Variants in IGSF10 observed in about 807,000 individuals in gnomAD.
The protein encoded by IGSF10 is calvaria mechanical force protein 608.
In IGSF10, 126 loss-of-function variants were observed where a neutral mutation model predicts 128.2. The ratio of observed to expected loss-of-function variants is 0.98; its 90% CI spans 0.85 to 1.14. The LOEUF (loss-of-function observed/expected upper bound fraction) is 1.14. IGSF10 is among the 50% of genes most tolerant of loss of function. The pLI is 0.00. For missense variants in IGSF10, 3,295 were observed against 3,149.8 expected (o/e 1.05, Z -1.10); for synonymous variants, 1,185 against 1,146.2 (o/e 1.03, Z -0.68).
the IGSF10 span, among the ~76,000 whole-genome samples, chr3:151,582,823 C>G: frequency 3.9e-5 from 6 of 152,174 alleles, no homozygotes; most frequent in African/African-American, 1.4e-4. Flanking sequence ...TTCTCAAAAT[C>G]AGGGGAATTT....
chr3:151,516,720 T>C, the IGSF10 span, among the ~76,000 whole-genome samples: 2 of 151,934 alleles, frequency 1.3e-5, no homozygotes, highest in African/African-American at 4.8e-5. Context: ...CAAGAGAACA[T>C]TGCCTGGAAC....
intron 5 of IGSF10, among the ~76,000 whole-genome samples, chr3:151,450,589 T>G (rs1232934080): frequency 6.6e-6 from 1 of 152,068 alleles, no homozygotes; most frequent in African/African-American, 2.4e-5. Context: ...TGGGAAACCT[T>G]TGAACAATCA....
intron 3 of IGSF10, 88 bp downstream of exon 3, chr3:151,458,428 C>G: frequency 1.1e-6 from 1 of 938,098 alleles, no homozygotes. Flanking sequence ...AATTGAGATT[C>G]ATCTCCCAAA....
chr3:151,594,052 T>C, the IGSF10 span, among the ~76,000 whole-genome samples: 2 of 152,200 alleles, frequency 1.3e-5, no homozygotes, highest in South Asian at 4.1e-4. Context: ...AGCTACATTT[T>C]GCCTCTGGTC....
chr3:151,468,921 T>C, the IGSF10 span, among the ~76,000 whole-genome samples: 1 of 152,142 alleles, frequency 6.6e-6, no homozygotes, highest in African/African-American at 2.4e-5. Flanking sequence ...CAGTGTATGT[T>C]GTTCCCCTCC....
intron 5 of IGSF10, among the ~76,000 whole-genome samples, chr3:151,451,946 C>T (rs1350160494): frequency 6.6e-6 from 1 of 152,162 alleles, no homozygotes; most frequent in Non-Finnish European, 1.5e-5. Context: ...AAGATACCCA[C>T]AAGTAGATAA....
At chr3:151,600,206 C>T in the IGSF10 span, among the ~76,000 whole-genome samples, 13 of 152,090 alleles carry the variant, frequency 8.5e-5, no homozygotes, top group South Asian at 8.3e-4. Context: ...AACACAATTT[C>T]TTACTCTTTC....
At position 151,443,828 on chromosome 3, in the gene IGSF10, T is replaced by C. The variant is rs759862842; in HGVS notation, c.5119A>G (p.Thr1707Ala). The C allele has an allele frequency of 1.2e-6, 2 of 1,614,012 alleles. No homozygotes were observed. Among genetic ancestry groups the C allele is most frequent in the Non-Finnish European group, 1.7e-6 (2 of 1,179,906 alleles). The change falls in exon 7 of 8, where the codon ACC becomes GCC. Residue 1707 changes from threonine to alanine, a missense_variant. Thr to Ala is a moderately conservative substitution (Grantham distance 58). Coordinates refer to ENST00000282466, the MANE Select transcript of IGSF10 (RefSeq NM_178822.5). ...NSRVQVLPNG[T>A]LSIQRVEIQD... ...ATTTCCACCCTCTGGATGGACAGGG[T>C]ACCATTGGGGAGAACCTGGACCCTG... is the stretch of plus-strand genomic sequence containing the variant.
chr3:151,525,059 T>A, the IGSF10 span, among the ~76,000 whole-genome samples: 1 of 120,252 alleles, frequency 8.3e-6, no homozygotes, highest in East Asian at 2.8e-4. Context: ...AGAGCCTTGC[T>A]CTGTCACCCC....
At chr3:151,501,320 T>A in the IGSF10 span, among the ~76,000 whole-genome samples, 29 of 152,096 alleles carry the variant, frequency 1.9e-4, no homozygotes, top group Non-Finnish European at 3.1e-4. Context: ...AAGTTATTAG[T>A]TTCTACTGCT....
the IGSF10 span, among the ~76,000 whole-genome samples, chr3:151,500,272 A>T: frequency 6.6e-6 from 1 of 152,218 alleles, no homozygotes; most frequent in East Asian, 1.9e-4. Context: ...TTAGGAAAAG[A>T]GAATGAATCA....
chr3:151,618,298 C>A, the IGSF10 span, among the ~76,000 whole-genome samples: 3 of 152,144 alleles, frequency 2.0e-5, no homozygotes, highest in Non-Finnish European at 4.4e-5. Context: ...AAATACATTT[C>A]TATTGTTTTA....
rs149685136 is a variant in IGSF10, at chr3:151,437,914, C to T, written c.6647G>A (p.Arg2216Gln). 281 of 1,614,058 alleles carry T rather than the reference C, an allele frequency of 1.7e-4. No individual in the cohort carries two copies. In the African/African-American group the frequency reaches 3.4e-3, roughly 20 times the overall value. ...TTTGGTGTCATCCCCACTGGGATTT[C>T]GGGCTACACATACGTACTCTCCAGA... The part of the protein sequence containing the change: ...LDSGEYVCVA[R>Q]NPSGDDTKMY... The change falls in exon 8 of 8, where the codon CGA becomes CAA. Residue 2216 changes from arginine to glutamine, a missense_variant. By Grantham distance (43) the Arg-to-Gln change is conservative. Coordinates refer to ENST00000282466, the MANE Select transcript of IGSF10 (RefSeq NM_178822.5).
At position 151,453,416 on chromosome 3, in the gene IGSF10, T is replaced by C; in HGVS notation, c.683A>G (p.Lys228Arg). The C allele has an allele frequency of 6.2e-7, 1 of 1,607,362 alleles. No homozygotes were observed. Among genetic ancestry groups the C allele is most frequent in the Non-Finnish European group, 8.5e-7 (1 of 1,178,308 alleles). ...CTCCTGTATCCAGTCAGACAACCACTTTAAATGGCAATCACAGGTCCATGG... is the reference window on the plus strand; with the variant it reads ...CTCCTGTATCCAGTCAGACAACCACCTTAAATGGCAATCACAGGTCCATGG... ...GNPWTCDCHLKWLSDWIQEKP... is the reference protein window; with the variant it reads ...GNPWTCDCHLRWLSDWIQEKP... Residue 228 changes from lysine (K) to arginine (R), a missense_variant, in exon 5 of 8, where the codon AAG becomes AGG. Lys to Arg is a conservative substitution (Grantham distance 26). Transcript: ENST00000282466.
the IGSF10 span, among the ~76,000 whole-genome samples, chr3:151,550,880 T>C: frequency 6.6e-6 from 1 of 152,174 alleles, no homozygotes; most frequent in Non-Finnish European, 1.5e-5. Flanking sequence ...CCTACGCTCC[T>C]GCCTGCGATT....
At chr3:151,531,153 T>C in the IGSF10 span, among the ~76,000 whole-genome samples, 3 of 152,246 alleles carry the variant, frequency 2.0e-5, no homozygotes, top group African/African-American at 7.2e-5. Flanking sequence ...CCTAAATATA[T>C]ATGCATCAAA....
chr3:151,490,261 C>CA, the IGSF10 span, among the ~76,000 whole-genome samples: 9 of 152,146 alleles, frequency 5.9e-5, no homozygotes, highest in East Asian at 1.7e-3. Flanking sequence ...GACTTTAAGT[C>CA]AAAAACTGAC....
chr3:151,491,543 A>G, the IGSF10 span, among the ~76,000 whole-genome samples: 1 of 152,192 alleles, frequency 6.6e-6, no homozygotes. Context: ...GTGCCACTGC[A>G]CTCCAACCTG....
rs748469004 is a variant in IGSF10 at position 151,448,083 on chromosome 3, A to T, written c.1898T>A (p.Leu633Ter). 5.6e-6 allele frequency: 9 copies of T among 1,614,162 alleles called. No homozygotes were observed. Among genetic ancestry groups the T allele is most frequent in the Middle Eastern group, 1.6e-4 (1 of 6,062 alleles). ...ACCTTGGTCTTTCGGGGTGACCTGT[A>T]ATATTCTTAATGTGCCATTGTTTAG... ...KVLNNGTLRI[L>*]QVTPKDQGYY... Residue 633 changes from leucine to a stop codon, truncating the protein, a stop_gained, in exon 6 of 8, where the codon TTA (leucine) becomes TAA (stop). Transcript: ENST00000282466. LOFTEE classifies it high-confidence loss of function.
Sources: gnomAD v4.1 joint callset for allele counts (sites outside exome capture counted in the v4.1 genomes callset) on GRCh38, gnomAD v4.1.1 for gene constraint, MANE v1.5 for transcripts, NCBI Gene and HGNC (gene_info 2026-07-23, HGNC 2026-07-21) for gene names.